LRBA: variants seen among roughly 807,000 people sequenced by gnomAD.
The protein encoded by LRBA is LPS responsive beige-like anchor protein, also known as lipopolysaccharide-responsive and beige-like anchor protein.
In LRBA, 176 loss-of-function variants were observed where a neutral mutation model predicts 330.0. The observed-to-expected ratio is 0.53, with a 90% CI of 0.47 to 0.60. The LOEUF (loss-of-function observed/expected upper bound fraction) is 0.60. Ranked by LOEUF, LRBA falls within the 20% of genes least tolerant of loss-of-function variation. LRBA has a pLI of 0.00. For synonymous variants in LRBA, 1,230 were observed against 1,193.0 expected, an observed-to-expected ratio of 1.03 and a Z score of -0.64; for missense variants, 3,259 against 3,444.8, an observed-to-expected ratio of 0.95 and a Z score of 1.35.
intron 36 of LRBA, among the ~76,000 whole-genome samples, chr4:150,704,910 A>G (rs1382256268): frequency 6.6e-6 from 1 of 152,182 alleles, no homozygotes; most frequent in Non-Finnish European, 1.5e-5. Flanking sequence ...TTATAGACTA[A>G]GATTTCAGTA....
intron 48 of LRBA, among the ~76,000 whole-genome samples, chr4:150,336,755 C>A (rs1409428603): frequency 6.6e-6 from 1 of 152,166 alleles, no homozygotes; most frequent in Non-Finnish European, 1.5e-5. Context: ...CCCAACCCAG[C>A]CTCACTACAA....
chr4:150,524,860 T>C (rs1763292376), intron 40 of LRBA, among the ~76,000 whole-genome samples: 2 of 152,186 alleles, frequency 1.3e-5, no homozygotes, highest in Admixed American at 1.3e-4. Context: ...AATCATTTAA[T>C]AATTCTGAAT....
At chr4:150,649,633 T>C (rs994756450) in intron 37 of LRBA, among the ~76,000 whole-genome samples, 13 of 152,296 alleles carry the variant, frequency 8.5e-5, no homozygotes, top group African/African-American at 2.4e-4. Flanking sequence ...ACCTGCATTA[T>C]ACATTTCATA....
At chr4:150,838,083 G>T (rs1292423276) in intron 28 of LRBA, among the ~76,000 whole-genome samples, 1 of 152,136 alleles carries the variant, frequency 6.6e-6, no homozygotes, top group Non-Finnish European at 1.5e-5. Context: ...ATTCTGGGTT[G>T]AAAATTCGTT....
At chr4:150,791,800 A>T (rs1468712804) in intron 34 of LRBA, among the ~76,000 whole-genome samples, 1 of 152,008 alleles carries the variant, frequency 6.6e-6, no homozygotes, top group Non-Finnish European at 1.5e-5. Context: ...AGGCCGAGGC[A>T]GGTGGATCAC....
intron 44 of LRBA, 54 bp downstream of exon 44, chr4:150,467,619 A>G: frequency 9.0e-7 from 1 of 1,105,956 alleles, no homozygotes; most frequent in Non-Finnish European, 1.3e-6. Flanking sequence ...AAGACAATCC[A>G]ATTTATTTTT....
At chr4:150,371,391 C>G (rs1392862681) in intron 47 of LRBA, among the ~76,000 whole-genome samples, 1 of 151,838 alleles carries the variant, frequency 6.6e-6, no homozygotes, top group Non-Finnish European at 1.5e-5. Flanking sequence ...TGGGGTTTCA[C>G]CATGTTGGCC....
intron 8 of LRBA, 48 bp downstream of exon 8, chr4:150,915,560 A>G: frequency 6.5e-7 from 1 of 1,545,462 alleles, no homozygotes; most frequent in Non-Finnish European, 8.8e-7. Flanking sequence ...TAAAAAGCTC[A>G]TGCTTTTAAA....
intron 24 of LRBA, among the ~76,000 whole-genome samples, chr4:150,850,272 T>G (rs1057121031): frequency 1.3e-5 from 2 of 151,942 alleles, no homozygotes; most frequent in Non-Finnish European, 2.9e-5. Flanking sequence ...TTTTTTGTAT[T>G]TTTAGTAGAG....
intron 40 of LRBA, among the ~76,000 whole-genome samples, chr4:150,492,247 A>G (rs1759052964): frequency 6.6e-6 from 1 of 151,974 alleles, no homozygotes. Flanking sequence ...TACAAAAATG[A>G]TTCTATTTCT....
Position 150,324,504 on chromosome 4 carries a change from T to C in LRBA, c.7452+1305A>G, listed in dbSNP as rs1303957384. The stretch of plus-strand genomic sequence containing the variant: ...TGTATAGCTTATGATGGCCAATTCA[T>C]ACTGCTAGATAAAGAAGGAGAAAAA... On this transcript the variant is annotated intron_variant, in intron 49 of 56. Coordinates refer to ENST00000651943, the MANE Select transcript of LRBA (RefSeq NM_001364905.1). Among the ~76,000 whole-genome samples, 4 of 149,940 alleles carry C rather than the reference T, an allele frequency of 2.7e-5. No individual in the cohort carries two copies. In the Admixed American group the frequency reaches 2.7e-4, roughly 10 times the overall value.
intron 46 of LRBA, chr4:150,422,505 AGGG>A: frequency 3.0e-6 from 1 of 333,978 alleles, no homozygotes; most frequent in Non-Finnish European, 5.6e-6. Context: ...ACATAACTCC[AGGG>A]AGATGAACAT....
At chr4:150,850,923 G>A in intron 23 of LRBA, 21 bp from the exon 24 acceptor site, 1 of 1,573,040 alleles carries the variant, frequency 6.4e-7, no homozygotes, top group Non-Finnish European at 8.7e-7. Flanking sequence ...AATTTAAAAA[G>A]TAATAAAATA....
chr4:150,777,237 G>T (rs1454269435), intron 34 of LRBA, among the ~76,000 whole-genome samples: 4 of 151,936 alleles, frequency 2.6e-5, no homozygotes, highest in Non-Finnish European at 4.4e-5. Flanking sequence ...GGGAATATTG[G>T]TATGAGCCAC....
At chr4:150,719,331 TA>T (rs1487295069) in intron 36 of LRBA, among the ~76,000 whole-genome samples, 1 of 151,770 alleles carries the variant, frequency 6.6e-6, no homozygotes, top group Admixed American at 6.6e-5. Flanking sequence ...ATTTCAAATT[TA>T]AAAAAAGTGC....
chr4:150,828,993 G>A (rs1381081681), intron 29 of LRBA, among the ~76,000 whole-genome samples: 3 of 150,638 alleles, frequency 2.0e-5, no homozygotes, highest in Non-Finnish European at 4.4e-5. Flanking sequence ...GAAGTGCAGT[G>A]GTGTGACCTA....
At position 150,341,506 on chromosome 4, in the gene LRBA, A is replaced by AT. The variant is rs1266524332; in HGVS notation, c.7362+8485dup. Among the ~76,000 whole-genome samples, 9 of 151,492 alleles carry AT rather than the reference A, an allele frequency of 5.9e-5. No homozygotes were observed. The South Asian group carries it at 1.7e-3, about 28-fold the overall frequency. ...TTATGCTCTCCCTTCCTACCACACGATTTTTTCAAGTCATAGAGCCATACT... is the reference window on the plus strand; with the variant it reads ...TTATGCTCTCCCTTCCTACCACACGATTTTTTTCAAGTCATAGAGCCATACT... On this transcript the variant is annotated intron_variant, in intron 48 of 56. Transcript: ENST00000651943.
intron 36 of LRBA, among the ~76,000 whole-genome samples, chr4:150,731,388 C>A (rs1481379873): frequency 1.3e-5 from 2 of 152,060 alleles, no homozygotes; most frequent in Non-Finnish European, 2.9e-5. Flanking sequence ...TAGAAGCAAC[C>A]TATATGTCCA....
chr4:150,271,426 G>A (rs1365024621), intron 56 of LRBA, among the ~76,000 whole-genome samples: 1 of 151,552 alleles, frequency 6.6e-6, no homozygotes, highest in Non-Finnish European at 1.5e-5. Flanking sequence ...GGCTCGGTGG[G>A]TCCCACTCCC....
Sources: gnomAD v4.1 joint callset for allele counts (sites outside exome capture counted in the v4.1 genomes callset) on GRCh38, gnomAD v4.1.1 for gene constraint, MANE v1.5 for transcripts, NCBI Gene and HGNC (gene_info 2026-07-23, HGNC 2026-07-21) for gene names.